PLCL1: variants seen among roughly 807,000 people sequenced by gnomAD.
PLCL1 encodes inactive phospholipase C-like protein 1.
Under a neutral mutation model 84.4 loss-of-function variants are expected in PLCL1, and 41 were observed. That is an observed-to-expected ratio of 0.49 (90% CI 0.38 to 0.63). PLCL1 has a LOEUF of 0.63. PLCL1 is among the 30% of genes least tolerant of loss of function. The pLI, the probability that PLCL1 is intolerant of heterozygous loss-of-function variation, is 0.00. For synonymous variants in PLCL1, 490 were observed against 488.3 expected (o/e 1.00, Z -0.05); for missense variants, 1,206 against 1,367.8 (o/e 0.88, Z 1.87).
At chr2:198,006,438 G>GTA (rs1232925641) in intron 1 of PLCL1, among the ~76,000 whole-genome samples, 2 of 152,102 alleles carry the variant, frequency 1.3e-5, no homozygotes, top group East Asian at 3.9e-4. Flanking sequence ...AACTTTTGGA[G>GTA]TATATATATA....
At chr2:197,958,288 C>T (rs1280137867) in intron 1 of PLCL1, among the ~76,000 whole-genome samples, 2 of 151,686 alleles carry the variant, frequency 1.3e-5, no homozygotes, top group Non-Finnish European at 2.9e-5. Flanking sequence ...TTTGGCTTCC[C>T]TGGTCCACAT....
Position 198,148,710 on chromosome 2 carries a change from A to G in PLCL1, c.*1748A>G, listed in dbSNP as rs1371568863. The G allele has an allele frequency of 1.3e-5, 2 of 152,286 alleles. No homozygotes were observed. The highest frequency in any genetic ancestry group is 4.8e-5 in the African/African-American group (2 of 41,442). The allele number at this position is 152,286 out of a possible 1,614,324, so 9.4% of individuals were successfully genotyped here. On this transcript the variant is annotated 3_prime_UTR_variant, in exon 6 of 6. Transcript: ENST00000428675. The stretch of plus-strand genomic sequence containing the variant: ...TGAAAAAGAGGTTCTATAGACAGAA[A>G]CAAAACCCACCTTACATCAGCTGAT...
At chr2:197,969,175 A>G (rs972347217) in intron 1 of PLCL1, among the ~76,000 whole-genome samples, 9 of 152,256 alleles carry the variant, frequency 5.9e-5, no homozygotes, top group Admixed American at 5.9e-4. Context: ...ACTCTGGTCC[A>G]TGGAAAAATT....
chr2:197,863,128 A>G (rs700691), intron 1 of PLCL1, among the ~76,000 whole-genome samples: 77,785 of 149,800 alleles, frequency 0.52, 20,953 homozygotes, highest in African/African-American at 0.66. Context: ...GTAAATATAG[A>G]TAAGAGTTTG....
intron 5 of PLCL1, 138 bp downstream of exon 5, chr2:198,104,074 AG>A (rs1693411242): frequency 2.1e-6 from 1 of 483,052 alleles, no homozygotes; most frequent in Non-Finnish European, 3.7e-6. Flanking sequence ...TTACATGTGC[AG>A]GTTTGTTATA....
chr2:197,881,036 G>T (rs1687818096), intron 1 of PLCL1, among the ~76,000 whole-genome samples: 1 of 152,128 alleles, frequency 6.6e-6, no homozygotes, highest in African/African-American at 2.4e-5. Flanking sequence ...GGACTCTGTG[G>T]TTCTCCTTCA....
At position 197,915,838 on chromosome 2, in the gene PLCL1, G is replaced by T. The variant is rs79799715; in HGVS notation, c.240+110499G>T. Among the ~76,000 whole-genome samples the T allele has an allele frequency of 2.0e-5, 3 of 152,208 alleles. No homozygotes were observed. In the South Asian group the frequency reaches 6.2e-4, roughly 32 times the overall value. On this transcript the variant is annotated intron_variant, in intron 1 of 5. Coordinates refer to ENST00000428675, the MANE Select transcript of PLCL1 (RefSeq NM_006226.4). ...AGGCTGAGAGAGATACAGAGATGAA[G>T]GATGATTTCTTTACCAATGACACTT...
intron 5 of PLCL1, among the ~76,000 whole-genome samples, chr2:198,107,584 C>A (rs1693507064): frequency 6.6e-6 from 1 of 151,850 alleles, no homozygotes; most frequent in Admixed American, 6.6e-5. Context: ...GTTTGTTTGC[C>A]AGGTGAGGAT....
intron 1 of PLCL1, among the ~76,000 whole-genome samples, chr2:198,040,880 A>G (rs956556729): frequency 2.6e-5 from 4 of 152,214 alleles, no homozygotes; most frequent in African/African-American, 9.6e-5. Context: ...TATGTGAACC[A>G]AAGGACTATG....
At chr2:198,063,271 T>C (rs1011098885) in intron 1 of PLCL1, among the ~76,000 whole-genome samples, 5 of 152,030 alleles carry the variant, frequency 3.3e-5, no homozygotes, top group Non-Finnish European at 4.4e-5. Flanking sequence ...TGAATAAATA[T>C]GGAGCACAGA....
At chr2:197,995,324 G>GAGTTGCTATATTATGTGTC (rs1169710624) in intron 1 of PLCL1, among the ~76,000 whole-genome samples, 4 of 152,004 alleles carry the variant, frequency 2.6e-5, no homozygotes, top group Non-Finnish European at 1.5e-5. Flanking sequence ...AGTATTGGTT[G>GAGTTGCTATATTATGTGTC]AGTTGCTATA....
chr2:197,815,188 G>A (rs541708788), intron 1 of PLCL1, among the ~76,000 whole-genome samples: 1 of 152,200 alleles, frequency 6.6e-6, no homozygotes, highest in East Asian at 1.9e-4. Context: ...CTCTTGCCTG[G>A]GGTAATGCAT....
chr2:197,833,925 G>C (rs1691126585), intron 1 of PLCL1, among the ~76,000 whole-genome samples: 1 of 152,108 alleles, frequency 6.6e-6, no homozygotes, highest in Non-Finnish European at 1.5e-5. Flanking sequence ...GTACTACAAG[G>C]CCACAGTAAC....
chr2:198,045,754 T>C (rs750736122), intron 1 of PLCL1, among the ~76,000 whole-genome samples: 21 of 152,172 alleles, frequency 1.4e-4, no homozygotes, highest in Admixed American at 8.5e-4. Flanking sequence ...TAGAAATTGA[T>C]TTATTTGGAC....
At chr2:198,131,976 CT>C (rs1694130822) in intron 5 of PLCL1, among the ~76,000 whole-genome samples, 1 of 152,156 alleles carries the variant, frequency 6.6e-6, no homozygotes, top group African/African-American at 2.4e-5. Context: ...TTATCTTTTC[CT>C]TTTCCATTTC....
intron 5 of PLCL1, among the ~76,000 whole-genome samples, chr2:198,133,303 A>G (rs1237173216): frequency 1.4e-5 from 2 of 146,054 alleles, no homozygotes; most frequent in Non-Finnish European, 3.0e-5. Context: ...GCATATTCTC[A>G]CTCATAGGTG....
At chr2:198,041,860 A>G (rs987801827) in intron 1 of PLCL1, among the ~76,000 whole-genome samples, 18 of 152,198 alleles carry the variant, frequency 1.2e-4, no homozygotes, top group African/African-American at 3.9e-4. Context: ...TGAGCATGGC[A>G]TGTGTTTTGG....
chr2:197,812,735 G>C (rs1690612522), intron 1 of PLCL1, among the ~76,000 whole-genome samples: 1 of 152,140 alleles, frequency 6.6e-6, no homozygotes, highest in Non-Finnish European at 1.5e-5. Flanking sequence ...TGAGTATTTA[G>C]CAATCAGAGA....
intron 1 of PLCL1, among the ~76,000 whole-genome samples, chr2:198,062,884 A>G (rs992511057): frequency 1.3e-5 from 2 of 152,196 alleles, no homozygotes; most frequent in Admixed American, 6.5e-5. Flanking sequence ...AGTAAAACTT[A>G]AGGGTGTATC....
Sources: allele counts gnomAD v4.1 joint callset (sites outside exome capture counted in the v4.1 genomes callset), GRCh38; gene constraint gnomAD v4.1.1; transcripts MANE v1.5; gene names NCBI Gene and HGNC (gene_info 2026-07-23, HGNC 2026-07-21).